LRRC4C: variants seen among roughly 807,000 people sequenced by gnomAD.
The protein encoded by LRRC4C is leucine-rich repeat-containing protein 4C.
LRRC4C carries 5 observed loss-of-function variants against 33.6 expected under a neutral mutation model. That is an observed-to-expected ratio of 0.15 (90% CI 0.08 to 0.31). The LOEUF (loss-of-function observed/expected upper bound fraction) is 0.31. Among genes scored for constraint, LRRC4C ranks in the 10% least tolerant of loss-of-function variants. The pLI is 1.00. For synonymous variants in LRRC4C, 329 were observed against 302.0 expected, an observed-to-expected ratio of 1.09 and a Z score of -0.93; for missense variants, 560 against 796.7, an observed-to-expected ratio of 0.70 and a Z score of 3.58.
chr11:41,141,482 C>T (rs1038767351), intron 1 of LRRC4C, among the ~76,000 whole-genome samples: 1 of 152,128 alleles, frequency 6.6e-6, no homozygotes, highest in Non-Finnish European at 1.5e-5. Context: ...TTTAATTATA[C>T]ATGCCTGATA....
intron 3 of LRRC4C, among the ~76,000 whole-genome samples, chr11:40,418,973 G>A (rs1950428159): frequency 1.3e-5 from 2 of 152,104 alleles, no homozygotes; most frequent in South Asian, 2.1e-4. Context: ...GGGCCTGGTG[G>A]TCGGGGGATA....
intron 1 of LRRC4C, among the ~76,000 whole-genome samples, chr11:41,156,143 A>G (rs963559826): frequency 6.6e-6 from 1 of 152,124 alleles, no homozygotes; most frequent in Non-Finnish European, 1.5e-5. Context: ...AAAAGATCAC[A>G]GCAATTGAAG....
At chr11:40,887,767 C>A (rs1032835627) in intron 2 of LRRC4C, among the ~76,000 whole-genome samples, 1 of 151,938 alleles carries the variant, frequency 6.6e-6, no homozygotes, top group Non-Finnish European at 1.5e-5. Context: ...GTCTGAATTA[C>A]CAGTGGCATC....
intron 1 of LRRC4C, among the ~76,000 whole-genome samples, chr11:41,215,683 T>A (rs1324446928): frequency 6.6e-6 from 1 of 152,144 alleles, no homozygotes; most frequent in Non-Finnish European, 1.5e-5. Flanking sequence ...TATTTTTACA[T>A]TTGATCCATG....
intron 1 of LRRC4C, among the ~76,000 whole-genome samples, chr11:41,030,433 T>A (rs1856650651): frequency 6.6e-6 from 1 of 151,818 alleles, no homozygotes; most frequent in Non-Finnish European, 1.5e-5. Context: ...AATGACACCC[T>A]TAGGGACTGA....
chr11:41,230,633 T>TTTC (rs145102456), intron 1 of LRRC4C, among the ~76,000 whole-genome samples: 5,607 of 152,094 alleles, frequency 0.037, 145 homozygotes, highest in African/African-American at 0.068. Context: ...CCAGTGGTGT[T>TTTC]TTCCTTCTCT....
chr11:40,640,577 TCTC>T (rs1307333459), intron 3 of LRRC4C, among the ~76,000 whole-genome samples: 1 of 152,032 alleles, frequency 6.6e-6, no homozygotes, highest in African/African-American at 2.4e-5. Flanking sequence ...AATAGGAATC[TCTC>T]CTCCTAACCA....
intron 1 of LRRC4C, among the ~76,000 whole-genome samples, chr11:41,164,795 T>G (rs1033870117): frequency 2.6e-4 from 39 of 152,260 alleles, no homozygotes; most frequent in African/African-American, 8.4e-4. Flanking sequence ...AAACCCCTTG[T>G]GGCCTTTGGA....
chr11:41,313,995 T>C (rs1374224078), intron 1 of LRRC4C, among the ~76,000 whole-genome samples: 2 of 152,206 alleles, frequency 1.3e-5, no homozygotes, highest in African/African-American at 4.8e-5. Context: ...ATACTGGCCT[T>C]AAGAAACACT....
At chr11:41,343,633 A>G (rs1951709640) in intron 1 of LRRC4C, among the ~76,000 whole-genome samples, 1 of 152,248 alleles carries the variant, frequency 6.6e-6, no homozygotes, top group Non-Finnish European at 1.5e-5. Context: ...GGTCCAACCC[A>G]GTAGGAAAAA....
At chr11:40,403,629 T>C (rs1433872180) in intron 3 of LRRC4C, among the ~76,000 whole-genome samples, 2 of 152,104 alleles carry the variant, frequency 1.3e-5, no homozygotes, top group Non-Finnish European at 2.9e-5. Context: ...CTCAACCAAA[T>C]AGACTTTTGC....
intron 5 of LRRC4C, among the ~76,000 whole-genome samples, chr11:40,209,440 C>T (rs1863413721): frequency 6.6e-6 from 1 of 152,166 alleles, no homozygotes; most frequent in Admixed American, 6.5e-5. Flanking sequence ...AATAATCAAT[C>T]TTGGAGAGAA....
rs1434852412 is a variant in LRRC4C, at chr11:40,663,723, G to T, written c.-406-15445C>A. On this transcript the variant is annotated intron_variant, in intron 2 of 6. Transcript: ENST00000528697. Reference sequence around the variant, plus strand: ...AACATGAAGTTATACAAGTAGAAGTGAGAGAATTTCTAAATTTGTACCTAA... The same window carrying T: ...AACATGAAGTTATACAAGTAGAAGTTAGAGAATTTCTAAATTTGTACCTAA... Among the ~76,000 whole-genome samples, 3 of 152,148 alleles carry T rather than the reference G, an allele frequency of 2.0e-5. 1 individual carries two copies. Among genetic ancestry groups the T allele is most frequent in the Non-Finnish European group, 4.4e-5 (3 of 68,016 alleles).
chr11:40,358,386 T>C (rs560532315), intron 3 of LRRC4C, among the ~76,000 whole-genome samples: 2 of 151,936 alleles, frequency 1.3e-5, no homozygotes, highest in African/African-American at 4.8e-5. Context: ...GCTTAAGCAA[T>C]CCTCTCACCT....
chr11:40,872,972 G>C (rs979351397), intron 2 of LRRC4C, among the ~76,000 whole-genome samples: 7 of 152,036 alleles, frequency 4.6e-5, no homozygotes, highest in South Asian at 4.1e-4. Flanking sequence ...ATTATTTGCT[G>C]TAAGTTAAAC....
intron 1 of LRRC4C, among the ~76,000 whole-genome samples, chr11:41,283,425 C>A (rs1409694491): frequency 6.6e-6 from 1 of 152,088 alleles, no homozygotes; most frequent in East Asian, 1.9e-4. Context: ...AATAAAGGAA[C>A]CACACGCTAT....
chr11:40,221,222 A>G (rs1324512662), intron 5 of LRRC4C, among the ~76,000 whole-genome samples: 1 of 152,124 alleles, frequency 6.6e-6, no homozygotes, highest in Non-Finnish European at 1.5e-5. Context: ...CCTTAACACT[A>G]CAATAGTCCT....
At position 40,479,805 on chromosome 11, in the gene LRRC4C, TTTTC is replaced by T. The variant is rs773712652; in HGVS notation, c.-269-160088_-269-160085del. Among the ~76,000 whole-genome samples the T allele has an allele frequency of 2.0e-5, 3 of 152,126 alleles. 1 individual carries two copies. The highest frequency in any genetic ancestry group is 1.3e-4 in the Admixed American group (2 of 15,258). On this transcript the variant is annotated intron_variant, in intron 3 of 6. Transcript: ENST00000528697. ...AGTGAGGTAAGAGGTAACCACATAG[TTTTC>T]TTTATTAGAAAGAACACAGGTTTAT...
At chr11:40,879,429 G>A (rs909988536) in intron 2 of LRRC4C, among the ~76,000 whole-genome samples, 1 of 152,172 alleles carries the variant, frequency 6.6e-6, no homozygotes, top group Non-Finnish European at 1.5e-5. Flanking sequence ...ACAGGCGACA[G>A]CAGAAGGAAT....
Sources: gnomAD v4.1 joint callset for allele counts (sites outside exome capture counted in the v4.1 genomes callset) on GRCh38, gnomAD v4.1.1 for gene constraint, MANE v1.5 for transcripts, NCBI Gene and HGNC (gene_info 2026-07-23, HGNC 2026-07-21) for gene names.